DNAH6: variants seen among roughly 807,000 people sequenced by gnomAD.
DNAH6 encodes the protein dynein axonemal heavy chain 6, also known as axonemal beta dynein heavy chain 6.
In DNAH6, 340 loss-of-function variants were observed where a neutral mutation model predicts 491.4. The observed-to-expected ratio is 0.69, with a 90% CI of 0.63 to 0.76. The LOEUF (loss-of-function observed/expected upper bound fraction) is 0.76, where lower values mean the gene tolerates loss of function less well. Among genes scored for constraint, DNAH6 ranks in the 30% least tolerant of loss-of-function variants. DNAH6 has a pLI of 0.00. For missense variants in DNAH6, 4,443 were observed against 4,972.2 expected (o/e 0.89, Z 3.20); for synonymous variants, 1,603 against 1,686.1 (o/e 0.95, Z 1.21).
At chr2:84,506,329 A>C in the DNAH6 span, among the ~76,000 whole-genome samples, 4 of 151,644 alleles carry the variant, frequency 2.6e-5, no homozygotes, top group Non-Finnish European at 4.4e-5. Context: ...GATGGTGAGC[A>C]TTTTTTCGTG....
At chr2:84,618,964 C>G (rs1480655532) in intron 23 of DNAH6, among the ~76,000 whole-genome samples, 8 of 152,176 alleles carry the variant, frequency 5.3e-5, no homozygotes, top group Admixed American at 4.6e-4. Context: ...TTTACAAAAA[C>G]AGGTGGTGGG....
chr2:84,675,372 T>G (rs761487988), intron 40 of DNAH6, among the ~76,000 whole-genome samples: 11 of 152,194 alleles, frequency 7.2e-5, no homozygotes, highest in Non-Finnish European at 1.5e-4. Context: ...ACCTCAAGCC[T>G]TGGTGCTTTA....
intron 35 of DNAH6, among the ~76,000 whole-genome samples, chr2:84,657,537 A>G (rs1691095000): frequency 6.6e-6 from 1 of 152,018 alleles, no homozygotes; most frequent in Admixed American, 6.6e-5. Context: ...ATATAGATCT[A>G]GTACATATTT....
chr2:84,775,928 G>C (rs1676076209), intron 64 of DNAH6, among the ~76,000 whole-genome samples: 1 of 151,908 alleles, frequency 6.6e-6, no homozygotes, highest in Non-Finnish European at 1.5e-5. Context: ...ATAGTTAGTG[G>C]TCTATCAATC....
intron 29 of DNAH6, among the ~76,000 whole-genome samples, chr2:84,629,262 T>C (rs1269338117): frequency 6.6e-6 from 1 of 152,184 alleles, no homozygotes; most frequent in Non-Finnish European, 1.5e-5. Context: ...GGGTGCCTGG[T>C]TTATTTGGCT....
At position 84,718,287 on chromosome 2, in the gene DNAH6, T is replaced by C. The variant is rs1697745196; in HGVS notation, c.9695T>C (p.Leu3232Ser). 2 of 1,551,440 alleles carry C rather than the reference T, an allele frequency of 1.3e-6. No individual in the cohort carries two copies. The highest frequency in any genetic ancestry group is 1.7e-6 in the Non-Finnish European group (2 of 1,146,900). Residue 3232 changes from leucine (L) to serine (S), a missense_variant, in exon 59 of 77, where the codon TTG becomes TCG. This residue lies in a region of DNAH6 where 1,463 missense variants were observed against 1,656.6 expected (regional missense o/e 0.88). Transcript: ENST00000389394. ...IVRINTDKNQ[L>S]KTIEEKILRM... ...AGGATCAACACTGATAAAAACCAGT[T>C]GAAAACTATCGAAGAGAAAATCCTG...
chr2:84,790,778 T>C (rs1325426702), intron 68 of DNAH6, among the ~76,000 whole-genome samples: 1 of 152,222 alleles, frequency 6.6e-6, no homozygotes, highest in African/African-American at 2.4e-5. Flanking sequence ...TACCTGCTGG[T>C]GGCAATGTAA....
chr2:84,708,475 A>AG (rs137904290), intron 54 of DNAH6, among the ~76,000 whole-genome samples: 11,541 of 49,568 alleles, frequency 0.23, 1,234 homozygotes, highest in Middle Eastern at 0.31. Context: ...AAAGAGAGAA[A>AG]GGGGGGGGGG....
chr2:84,655,450 C>A (rs931523483), intron 35 of DNAH6, among the ~76,000 whole-genome samples: 1 of 152,060 alleles, frequency 6.6e-6, no homozygotes, highest in African/African-American at 2.4e-5. Context: ...ATGTTTCCCC[C>A]ACATCTCATC....
At chr2:84,763,628 G>A (rs1000994798) in intron 64 of DNAH6, among the ~76,000 whole-genome samples, 5 of 152,036 alleles carry the variant, frequency 3.3e-5, no homozygotes, top group South Asian at 2.1e-4. Flanking sequence ...GTCCCTGGAC[G>A]TGGAATTAAG....
At chr2:84,724,245 A>G (rs1698422942) in intron 60 of DNAH6, among the ~76,000 whole-genome samples, 1 of 152,038 alleles carries the variant, frequency 6.6e-6, no homozygotes, top group Admixed American at 6.6e-5. Flanking sequence ...CCTGCAACAC[A>G]TCTCTATTTC....
intron 39 of DNAH6, among the ~76,000 whole-genome samples, chr2:84,672,096 G>A (rs140501659): frequency 0.022 from 3,304 of 152,300 alleles, 50 homozygotes; most frequent in Middle Eastern, 0.099. Context: ...CTGACAGTGA[G>A]GATAAGGGGC....
chr2:84,760,862 C>T (rs994245977), intron 63 of DNAH6, among the ~76,000 whole-genome samples: 7 of 152,152 alleles, frequency 4.6e-5, no homozygotes, highest in Admixed American at 4.6e-4. Context: ...TCACCTGCCT[C>T]GACCTCCTGA....
intron 29 of DNAH6, among the ~76,000 whole-genome samples, chr2:84,628,992 TG>T (rs1688140298): frequency 6.6e-6 from 1 of 152,222 alleles, no homozygotes; most frequent in Non-Finnish European, 1.5e-5. Context: ...CATATGTGTG[TG>T]TGTGGTCCTA....
Position 84,701,111 on chromosome 2 carries a change from A to C in DNAH6, c.7833A>C (p.Ala2611=). The part of the protein sequence containing the change: ...IDWFVQWPRE[A]LLSVSKTFFS... ...TTGATTCACAGTGGCCCAGAGAAGCACTTCTTTCTGTGTCAAAGACATTTT... is the reference window on the plus strand; with the variant it reads ...TTGATTCACAGTGGCCCAGAGAAGCCCTTCTTTCTGTGTCAAAGACATTTT... Residue 2611 remains alanine, a synonymous_variant, in exon 49 of 77, where the codon GCA becomes GCC. Transcript: ENST00000389394. 6.4e-7 allele frequency: 1 copy of C among 1,551,114 alleles called. No homozygotes were observed. Among genetic ancestry groups the C allele is most frequent in the Non-Finnish European group, 8.7e-7 (1 of 1,146,188 alleles).
At chr2:84,669,615 T>A in intron 38 of DNAH6, 105 bp downstream of exon 38, 1 of 968,040 alleles carries the variant, frequency 1.0e-6, no homozygotes, top group Non-Finnish European at 1.6e-6. Flanking sequence ...GGAATTTTGT[T>A]TAGCGTTTAG....
At chr2:84,739,287 G>A (rs1033919856) in intron 62 of DNAH6, among the ~76,000 whole-genome samples, 1 of 152,126 alleles carries the variant, frequency 6.6e-6, no homozygotes, top group African/African-American at 2.4e-5. Flanking sequence ...GTGGACTTGG[G>A]TTAGTCCTAT....
rs747666526 is a variant in DNAH6 at position 84,584,184 on chromosome 2, T to C, written c.2415T>C (p.Cys805=). 2 of 1,614,176 alleles carry C rather than the reference T, an allele frequency of 1.2e-6. No homozygotes were observed. The highest frequency in any genetic ancestry group is 3.3e-5 in the Admixed American group (2 of 60,018). ...GDRESSIKQF[C]VHLGSDLEEL... ...GAGAATCAAGCATTAAGCAATTTTG[T>C]GTGCATTTGGGTAGTGATCTTGAAG... is the stretch of plus-strand genomic sequence containing the variant. Residue 805 remains cysteine, a synonymous_variant, in exon 15 of 77, where the codon TGT becomes TGC. Coordinates refer to ENST00000389394, the MANE Select transcript of DNAH6 (RefSeq NM_001370.2).
chr2:84,522,266 C>T (rs1676226070), intron 2 of DNAH6, among the ~76,000 whole-genome samples: 1 of 151,944 alleles, frequency 6.6e-6, no homozygotes, highest in East Asian at 1.9e-4. Flanking sequence ...TCTTATTTGG[C>T]TCTTGGCTTG....
Sources: gnomAD v4.1 joint callset for allele counts (sites outside exome capture counted in the v4.1 genomes callset) on GRCh38, gnomAD v4.1.1 for gene constraint, gnomAD v4.1.1 regional missense constraint, MANE v1.5 for transcripts, NCBI Gene and HGNC (gene_info 2026-07-23, HGNC 2026-07-21) for gene names.